MGA: variants seen among roughly 807,000 people sequenced by gnomAD.
The protein encoded by MGA is MAX gene-associated protein.
MGA carries 40 observed loss-of-function variants against 261.1 expected under a neutral mutation model. The observed-to-expected ratio is 0.15, with a 90% CI of 0.12 to 0.20. The LOEUF (loss-of-function observed/expected upper bound fraction) is 0.20, where lower values mean the gene tolerates loss of function less well. Among genes scored for constraint, MGA ranks in the 10% least tolerant of loss-of-function variants. The pLI, the probability that MGA is intolerant of heterozygous loss-of-function variation, is 1.00. For missense variants in MGA, 3,397 were observed against 3,630.5 expected (o/e 0.94, Z 1.65); for synonymous variants, 1,302 against 1,290.6 (o/e 1.01, Z -0.19).
chr15:41,694,084 A>G (rs1335776328), intron 2 of MGA, among the ~76,000 whole-genome samples: 1 of 151,954 alleles, frequency 6.6e-6, no homozygotes, highest in African/African-American at 2.4e-5. Context: ...GCTCTGAGCT[A>G]TTTCACACTA....
chr15:41,733,934 G>A (rs1225146222), intron 11 of MGA, among the ~76,000 whole-genome samples: 2 of 24,512 alleles, frequency 8.2e-5, no homozygotes, highest in South Asian at 1.2e-3. Context: ...TTTTTTTTTC[G>A]AGATAGGGCC....
intron 9 of MGA, among the ~76,000 whole-genome samples, chr15:41,726,385 G>T (rs2061249093): frequency 6.6e-6 from 1 of 152,162 alleles, no homozygotes. Flanking sequence ...TGAATAATAA[G>T]GTTCAGTAAA....
At chr15:41,683,918 T>TA (rs1054848771) in intron 2 of MGA, among the ~76,000 whole-genome samples, 6 of 151,872 alleles carry the variant, frequency 4.0e-5, no homozygotes, top group Non-Finnish European at 7.4e-5. Flanking sequence ...TTCCTTTTTT[T>TA]AAAAAAAATT....
chr15:41,725,363 C>T (rs2061168690), intron 9 of MGA, among the ~76,000 whole-genome samples: 1 of 151,984 alleles, frequency 6.6e-6, no homozygotes, highest in African/African-American at 2.4e-5. Flanking sequence ...ACAACTAAAC[C>T]TTTTTTTAAA....
intron 7 of MGA, among the ~76,000 whole-genome samples, chr15:41,710,339 C>A (rs2060326337): frequency 6.6e-6 from 1 of 152,096 alleles, no homozygotes; most frequent in African/African-American, 2.4e-5. Flanking sequence ...ATTTTAATGT[C>A]ATTAATATCT....
intron 17 of MGA, chr15:41,750,884 G>T (rs748183170): frequency 3.6e-6 from 1 of 275,790 alleles, no homozygotes; most frequent in Admixed American, 4.7e-5. Context: ...TACCGAGTTA[G>T]ATTTTTAAAA....
intron 1 of MGA, among the ~76,000 whole-genome samples, chr15:41,644,008 G>C (rs1034155259): frequency 6.6e-6 from 1 of 152,018 alleles, no homozygotes; most frequent in Non-Finnish European, 1.5e-5. Context: ...GTGGTGTGAG[G>C]TAAATGGTTC....
intron 12 of MGA, among the ~76,000 whole-genome samples, chr15:41,734,838 C>T (rs1297156882): frequency 6.6e-6 from 1 of 151,388 alleles, no homozygotes; most frequent in African/African-American, 2.4e-5. Flanking sequence ...TTGCAAGAGA[C>T]ATTTAGGTTG....
In MGA at chr15:41,749,582, A is replaced by G; in HGVS notation, c.5975A>G (p.Lys1992Arg). Residue 1992 changes from lysine to arginine, a missense_variant, in exon 17 of 24, where the codon AAG (lysine) becomes AGG (arginine). Physicochemically the swap from Lys to Arg is conservative, Grantham distance 26. Transcript: ENST00000219905. ...ATAAAAAGAGAGCAAGAAACGAAGA[A>G]GGTTCTACAGTCAGAAGGAGAGGCT... The G allele has an allele frequency of 6.2e-7, 1 of 1,613,978 alleles. No individual in the cohort carries two copies. Among genetic ancestry groups the G allele is most frequent in the South Asian group, 1.1e-5 (1 of 91,084 alleles).
intron 1 of MGA, among the ~76,000 whole-genome samples, chr15:41,625,358 G>A (rs891815897): frequency 1.3e-5 from 2 of 151,732 alleles, no homozygotes; most frequent in Admixed American, 6.6e-5. Context: ...AGGAGATCCA[G>A]TAATCAGCAA....
At chr15:41,703,884 C>T (rs559167099) in intron 5 of MGA, among the ~76,000 whole-genome samples, 1 of 152,306 alleles carries the variant, frequency 6.6e-6, no homozygotes, top group South Asian at 2.1e-4. Flanking sequence ...GAACATGGCT[C>T]ACTGCAGTCT....
intron 21 of MGA, 121 bp from the exon 22 acceptor site, chr15:41,762,008 G>A (rs935364301): frequency 8.7e-6 from 9 of 1,037,170 alleles, no homozygotes; most frequent in Admixed American, 2.6e-5. Context: ...CTTGTGAATT[G>A]TAATCACCTT....
Position 41,762,252 on chromosome 15 carries a change from G to T in MGA, c.7634G>T (p.Ser2545Ile). The change falls in exon 22 of 24, where the codon AGC becomes ATC. Residue 2545 changes from serine to isoleucine, a missense_variant. Ser to Ile is a moderately radical substitution (Grantham distance 142). Transcript: ENST00000219905. Reference sequence around the variant, plus strand: ...GAGTTTGACATATCTCCCAGAATTAGCAAACAGCAGGAAGGATCTTCTGCA... The same window carrying T: ...GAGTTTGACATATCTCCCAGAATTATCAAACAGCAGGAAGGATCTTCTGCA... 1.9e-6 allele frequency: 3 copies of T among 1,613,886 alleles called. No individual in the cohort carries two copies. The highest frequency in any genetic ancestry group is 2.5e-6 in the Non-Finnish European group (3 of 1,179,864).
At chr15:41,691,241 A>G (rs902805432) in intron 2 of MGA, among the ~76,000 whole-genome samples, 1 of 152,112 alleles carries the variant, frequency 6.6e-6, no homozygotes, top group Non-Finnish European at 1.5e-5. Flanking sequence ...TTCCATGTAT[A>G]AGTCTTAAAC....
At chr15:41,723,273 G>A (rs2061046083) in intron 9 of MGA, among the ~76,000 whole-genome samples, 1 of 152,102 alleles carries the variant, frequency 6.6e-6, no homozygotes, top group Admixed American at 6.5e-5. Flanking sequence ...GCTGTATAAA[G>A]GAATCAAGTG....
chr15:41,757,835 G>A lies in MGA; in HGVS notation c.7187G>A (p.Arg2396Gln), dbSNP rs548371365. ...GATGAAAAAGCAGCTGAAAGGAGTC[G>A]AAAGGTATTTAGGATATATTTAGTG... The change falls in exon 19 of 24, where the codon CGA (arginine) becomes CAA (glutamine). Residue 2396 changes from arginine to glutamine, a missense_variant. Physicochemically the swap from Arg to Gln is conservative, Grantham distance 43. Transcript: ENST00000219905. 6 of 1,604,614 alleles carry A rather than the reference G, an allele frequency of 3.7e-6. No individual in the cohort carries two copies. Among genetic ancestry groups the A allele is most frequent in the South Asian group, 3.3e-5 (3 of 90,620 alleles).
Position 41,721,295 on chromosome 15 carries a change from C to T in MGA, c.3431-5885C>T, listed in dbSNP as rs537098947. Among the ~76,000 whole-genome samples, 68 of 152,220 alleles carry T rather than the reference C, an allele frequency of 4.5e-4. No homozygotes were observed. In the South Asian group the frequency reaches 0.011, roughly 24 times the overall value. On this transcript the variant is annotated intron_variant, in intron 9 of 23. Transcript: ENST00000219905. ...CCAGCCTGGCCAACATGGTGAAACC[C>T]CATCTCTACCAAAAATACAAAAATT...
intron 2 of MGA, among the ~76,000 whole-genome samples, chr15:41,671,881 A>T (rs1274267866): frequency 6.6e-6 from 1 of 152,194 alleles, no homozygotes; most frequent in Non-Finnish European, 1.5e-5. Flanking sequence ...TTTTTGTCAA[A>T]GGGGAAAGGT....
chr15:41,713,182 T>C lies in MGA; in HGVS notation c.3116T>C (p.Ile1039Thr), dbSNP rs1337867747. The C allele has an allele frequency of 1.9e-6, 3 of 1,613,630 alleles. No individual in the cohort carries two copies. Among genetic ancestry groups the C allele is most frequent in the Non-Finnish European group, 2.5e-6 (3 of 1,179,860 alleles). ...CTCAAAACTAAACCTATCCACACAA[T>C]CATAAGGAAACGAGCCCCTCCCTGC... Residue 1039 changes from isoleucine (I) to threonine (T), a missense_variant, in exon 9 of 24, where the codon ATC becomes ACC. Ile to Thr is a moderately conservative substitution (Grantham distance 89). Coordinates refer to ENST00000219905, the MANE Select transcript of MGA (RefSeq NM_001164273.2).
Sources: gnomAD v4.1 joint callset for allele counts (sites outside exome capture counted in the v4.1 genomes callset) on GRCh38, gnomAD v4.1.1 for gene constraint, MANE v1.5 for transcripts, NCBI Gene and HGNC (gene_info 2026-07-23, HGNC 2026-07-21) for gene names.